The following SLC25A37 variants were observed in gnomAD, a reference collection of about 807,000 sequenced individuals.
SLC25A37 encodes the protein solute carrier family 25 member 37.
In SLC25A37, 17 loss-of-function variants were observed where a neutral mutation model predicts 31.0. That is an observed-to-expected ratio of 0.55 (90% CI 0.38 to 0.82). The LOEUF (loss-of-function observed/expected upper bound fraction) is 0.82. Ranked by LOEUF, SLC25A37 falls within the 40% of genes least tolerant of loss-of-function variation. SLC25A37 has a pLI of 0.00. For missense variants in SLC25A37, 404 were observed against 465.8 expected, an observed-to-expected ratio of 0.87 and a Z score of 1.22; for synonymous variants, 222 against 193.0, an observed-to-expected ratio of 1.15 and a Z score of -1.24.
intron 1 of SLC25A37, among the ~76,000 whole-genome samples, chr8:23,564,079 T>C (rs1802586708): frequency 6.6e-6 from 1 of 152,180 alleles, no homozygotes; most frequent in Non-Finnish European, 1.5e-5. Flanking sequence ...AAAATGCCCT[T>C]TCTTTTACAA....
intron 2 of SLC25A37, chr8:23,567,028 G>C (rs1802682193): frequency 6.2e-6 from 1 of 160,980 alleles, no homozygotes; most frequent in Non-Finnish European, 1.3e-5. Flanking sequence ...CTTACGTAAG[G>C]CATGTTTTAT....
intron 1 of SLC25A37, among the ~76,000 whole-genome samples, chr8:23,546,497 GTATA>G (rs1054939803): frequency 8.2e-6 from 1 of 121,314 alleles, no homozygotes; most frequent in African/African-American, 3.6e-5. Context: ...AGGTGTGTGT[GTATA>G]TATATATATA....
In SLC25A37 at chr8:23,575,349, T is replaced by C. The variant is rs899172203; in HGVS notation, c.*3494T>C. The C allele has an allele frequency of 2.0e-5, 3 of 152,250 alleles. No homozygotes were observed. Among genetic ancestry groups the C allele is most frequent in the Non-Finnish European group, 2.9e-5 (2 of 68,042 alleles). The allele number at this position is 152,250 out of a possible 1,614,324, so 9.4% of individuals were successfully genotyped here. A position where few individuals can be genotyped will look rare whatever the true frequency, so the allele number is the denominator to read the frequency against. ...AACTATTGTTTCTGCCTCTCAATTG[T>C]TGCCAGCTCTTTGAAGAAGGGGAGA... On this transcript the variant is annotated 3_prime_UTR_variant, in exon 4 of 4. Coordinates refer to ENST00000519973, the MANE Select transcript of SLC25A37 (RefSeq NM_016612.4).
At chr8:23,552,809 G>A (rs150390682) in intron 1 of SLC25A37, among the ~76,000 whole-genome samples, 278 of 152,314 alleles carry the variant, frequency 1.8e-3, no homozygotes, top group African/African-American at 6.4e-3. Context: ...GGGGGAGCCC[G>A]GGCAAGTCTA....
At chr8:23,553,866 T>C (rs2928670) in intron 1 of SLC25A37, among the ~76,000 whole-genome samples, 70,978 of 151,980 alleles carry the variant, frequency 0.47, 16,996 homozygotes, top group African/African-American at 0.58. Context: ...ATAGACACAG[T>C]CCTCAGGGGT....
At chr8:23,554,229 A>C (rs1329621866) in intron 1 of SLC25A37, among the ~76,000 whole-genome samples, 1 of 152,160 alleles carries the variant, frequency 6.6e-6, no homozygotes, top group African/African-American at 2.4e-5. Context: ...TGTTATAATT[A>C]TTTTGTAAAT....
Position 23,572,110 on chromosome 8 carries a change from C to A in SLC25A37, c.*255C>A. 1 of 392,038 alleles carries A rather than the reference C, an allele frequency of 2.6e-6. No individual in the cohort carries two copies. Among genetic ancestry groups the A allele is most frequent in the African/African-American group, 2.1e-5 (1 of 48,478 alleles). The allele number at this position is 392,038 out of a possible 1,614,324, so 24.3% of individuals were successfully genotyped here. On this transcript the variant is annotated 3_prime_UTR_variant, in exon 4 of 4. Transcript: ENST00000519973. Reference sequence around the variant, plus strand: ...ATTGCTTTTTCTCTTCCTCCCTGGGCAGAATGTAGCTTTTCTGCTTCACTG... The same window carrying A: ...ATTGCTTTTTCTCTTCCTCCCTGGGAAGAATGTAGCTTTTCTGCTTCACTG...
chr8:23,562,681 T>C (rs943520228), intron 1 of SLC25A37, among the ~76,000 whole-genome samples: 12 of 152,208 alleles, frequency 7.9e-5, no homozygotes, highest in African/African-American at 2.4e-4. Flanking sequence ...TCTTGTGTTA[T>C]TACTGACAAT....
intron 1 of SLC25A37, among the ~76,000 whole-genome samples, chr8:23,552,500 G>T (rs567824571): frequency 6.6e-6 from 1 of 152,176 alleles, no homozygotes; most frequent in African/African-American, 2.4e-5. Context: ...TAATGGTTGA[G>T]TGACTGGATG....
Position 23,571,591 on chromosome 8 carries a change from C to A in SLC25A37, c.753C>A (p.Ala251=). The A allele has an allele frequency of 6.2e-7, 1 of 1,613,880 alleles. No homozygotes were observed. Among genetic ancestry groups the A allele is most frequent in the South Asian group, 1.1e-5 (1 of 91,070 alleles). ...TGGCCGGGGCCCTCGCCGCGGCCGC[C>A]ACGACCCCCCTGGACGTCTGTAAGA... ...GGLAGALAAA[A]TTPLDVCKTL... is the part of the protein sequence containing the mutation. The change falls in exon 4 of 4, where the codon GCC becomes GCA. Residue 251 remains alanine (A), a synonymous_variant. Transcript: ENST00000519973.
At chr8:23,549,291 C>G (rs1802158364) in intron 1 of SLC25A37, among the ~76,000 whole-genome samples, 1 of 152,154 alleles carries the variant, frequency 6.6e-6, no homozygotes, top group Non-Finnish European at 1.5e-5. Flanking sequence ...CCTGCCTCCT[C>G]CTCTCACTTT....
At chr8:23,549,790 T>C (rs941920847) in intron 1 of SLC25A37, among the ~76,000 whole-genome samples, 1 of 102,568 alleles carries the variant, frequency 9.7e-6, no homozygotes, top group Admixed American at 9.3e-5. Context: ...CCCCCTGGCA[T>C]CTCTAAATTC....
In SLC25A37 at chr8:23,571,394, C is replaced by G. The variant is rs781062958; in HGVS notation, c.556C>G (p.Arg186Gly). 3.7e-6 allele frequency: 6 copies of G among 1,612,990 alleles called. No individual in the cohort carries two copies. The Admixed American group carries it at 5.0e-5, about 13-fold the overall frequency. ...SQHRSAISCIRTVWRTEGLGA... is the reference protein window; with the variant it reads ...SQHRSAISCIGTVWRTEGLGA... ...GCACCGGTCAGCAATCAGCTGCATC[C>G]GGACGGTGTGGAGGACCGAGGGGTT... The change falls in exon 4 of 4, where the codon CGG becomes GGG. Residue 186 changes from arginine to glycine, a missense_variant. This residue lies in a region of SLC25A37 where 243 missense variants were observed against 284.4 expected (regional missense o/e 0.85). Coordinates refer to ENST00000519973, the MANE Select transcript of SLC25A37 (RefSeq NM_016612.4).
chr8:23,543,925 A>G (rs527459845), intron 1 of SLC25A37, among the ~76,000 whole-genome samples: 188 of 152,048 alleles, frequency 1.2e-3, no homozygotes, highest in Non-Finnish European at 2.0e-3. Flanking sequence ...CAGTGGCAGA[A>G]TCTCGGCTCA....
In SLC25A37 at chr8:23,529,006, G is replaced by T; in HGVS notation, c.4G>T (p.Glu2Ter). 1 of 1,519,092 alleles carries T rather than the reference G, an allele frequency of 6.6e-7. No individual in the cohort carries two copies. The allele number at this position is 1,519,092 out of a possible 1,614,324, so 94.1% of individuals were successfully genotyped here. A position where few individuals can be genotyped will look rare whatever the true frequency, so the allele number is the denominator to read the frequency against. ...CTGCGCCCCGCCGAGCTGGCGGATG[G>T]AGCTGCGCAGCGGGAGCGTGGGCAG... is the stretch of plus-strand genomic sequence containing the variant. M[E>*]LRSGSVGSQA... Residue 2 changes from glutamate to a stop codon, truncating the protein, a stop_gained, in exon 1 of 4, where the codon GAG (glutamate) becomes TAG (stop). Coordinates refer to ENST00000519973, the MANE Select transcript of SLC25A37 (RefSeq NM_016612.4). LOFTEE classifies it high-confidence loss of function. This position sits in a 1 kb window ranked among gnomAD's most constrained non-coding sequence, Gnocchi z 4.1.
At chr8:23,537,079 T>C (rs1232619633) in intron 1 of SLC25A37, among the ~76,000 whole-genome samples, 2 of 151,584 alleles carry the variant, frequency 1.3e-5, no homozygotes, top group Non-Finnish European at 2.9e-5. Context: ...GCCAGTGGTC[T>C]CAGCTTCTTG....
intron 1 of SLC25A37, among the ~76,000 whole-genome samples, chr8:23,547,455 A>G (rs1802098707): frequency 6.6e-6 from 1 of 152,246 alleles, no homozygotes; most frequent in South Asian, 2.1e-4. Context: ...ACTTGTCTAC[A>G]TCTTAAGTTT....
intron 1 of SLC25A37, among the ~76,000 whole-genome samples, chr8:23,544,457 C>T (rs923338391): frequency 6.6e-6 from 1 of 152,158 alleles, no homozygotes; most frequent in African/African-American, 2.4e-5. Flanking sequence ...ACTGTGGGTG[C>T]TGGGCACTAA....
At position 23,556,183 on chromosome 8, in the gene SLC25A37, A is replaced by G. The variant is rs367638304; in HGVS notation, c.211-9925A>G. On this transcript the variant is annotated intron_variant, in intron 1 of 3. Transcript: ENST00000519973. ...TGAAGTGGGGGCAATGACTACTTTT[A>G]GGGGAATCATTTTTCTGTTGCTGGT... 9.3e-5 allele frequency among the ~76,000 whole-genome samples: 14 copies of G among 150,536 alleles called. No homozygotes were observed. The South Asian group carries it at 2.7e-3, about 29-fold the overall frequency.
Sources: allele counts gnomAD v4.1 joint callset (sites outside exome capture counted in the v4.1 genomes callset), GRCh38; gene constraint gnomAD v4.1.1; regional missense constraint gnomAD v4.1.1; non-coding constraint Gnocchi (gnomAD v3.1); transcripts MANE v1.5; gene names NCBI Gene and HGNC (gene_info 2026-07-23, HGNC 2026-07-21).